The following NRXN1 variants were observed in gnomAD, a reference collection of about 807,000 sequenced individuals.
The protein encoded by NRXN1 is neurexin 1.
NRXN1 carries 39 observed loss-of-function variants against 150.9 expected under a neutral mutation model. That is an observed-to-expected ratio of 0.26 (90% CI 0.20 to 0.34). The LOEUF (loss-of-function observed/expected upper bound fraction) is 0.34. Ranked by LOEUF, NRXN1 falls within the 10% of genes least tolerant of loss-of-function variation. NRXN1 has a pLI of 1.00. For synonymous variants in NRXN1, 924 were observed against 757.0 expected, an observed-to-expected ratio of 1.22 and a Z score of -3.62; for missense variants, 1,815 against 1,949.9, an observed-to-expected ratio of 0.93 and a Z score of 1.30.
intron 5 of NRXN1, among the ~76,000 whole-genome samples, chr2:50,707,771 T>G (rs564457630): frequency 9.6e-4 from 146 of 152,240 alleles, no homozygotes; most frequent in African/African-American, 2.6e-3. Context: ...TCCTATCTAG[T>G]TGAAAAATGT....
At chr2:50,611,834 G>T (rs944675919) in intron 8 of NRXN1, among the ~76,000 whole-genome samples, 5 of 152,090 alleles carry the variant, frequency 3.3e-5, no homozygotes, top group Admixed American at 3.3e-4. Context: ...ATTCAACCCG[G>T]GGAGTGGGAA....
intron 2 of NRXN1, among the ~76,000 whole-genome samples, chr2:51,014,926 C>T (rs1323690571): frequency 6.6e-6 from 1 of 152,006 alleles, no homozygotes; most frequent in African/African-American, 2.4e-5. Flanking sequence ...TCCAATGATA[C>T]ACTGCCAGAA....
chr2:50,212,123 AC>A (rs11285629), intron 18 of NRXN1, among the ~76,000 whole-genome samples: 2,965 of 151,814 alleles, frequency 0.02, 79 homozygotes, highest in African/African-American at 0.068. Context: ...CATGGGATTC[AC>A]TGAATATGAA....
intron 18 of NRXN1, among the ~76,000 whole-genome samples, chr2:50,224,677 G>A (rs1355565311): frequency 4.9e-5 from 7 of 141,834 alleles, no homozygotes; most frequent in Admixed American, 1.5e-4. Context: ...AGATTAAAGA[G>A]AGAGAGAGAG....
chr2:50,562,337 A>G (rs1669216017), intron 8 of NRXN1, among the ~76,000 whole-genome samples: 1 of 150,394 alleles, frequency 6.6e-6, no homozygotes, highest in Non-Finnish European at 1.5e-5. Flanking sequence ...TACGATAGAT[A>G]GATAGATAGA....
intron 18 of NRXN1, among the ~76,000 whole-genome samples, chr2:50,183,761 C>T (rs928037911): frequency 6.6e-6 from 1 of 150,946 alleles, no homozygotes; most frequent in African/African-American, 2.4e-5. Flanking sequence ...TTATTTGGCT[C>T]AACATGTAAA....
chr2:50,539,648 T>G (rs970050070), intron 9 of NRXN1, among the ~76,000 whole-genome samples: 2 of 152,186 alleles, frequency 1.3e-5, no homozygotes, highest in African/African-American at 4.8e-5. Flanking sequence ...CCATGATACC[T>G]GAACAGAACA....
rs1574801143 is a variant in NRXN1, at chr2:50,260,609, T to C, written c.3365-23639A>G. On this transcript the variant is annotated intron_variant, in intron 17 of 22. Transcript: ENST00000401669. ...AAGCAAACACCGATGACAAAAGAAGTTCAAGCTTTTTTTTTTTCCGTTTTT... is the reference window on the plus strand; with the variant it reads ...AAGCAAACACCGATGACAAAAGAAGCTCAAGCTTTTTTTTTTTCCGTTTTT... 4.8e-5 allele frequency among the ~76,000 whole-genome samples: 7 copies of C among 146,944 alleles called. 1 individual carries two copies. In the Admixed American group the frequency reaches 4.9e-4, roughly 10 times the overall value.
chr2:50,342,574 A>G (rs1169499127), intron 17 of NRXN1, among the ~76,000 whole-genome samples: 1 of 152,230 alleles, frequency 6.6e-6, no homozygotes, highest in Non-Finnish European at 1.5e-5. Context: ...TGCCTCCTGG[A>G]AAAACAGAGA....
At position 51,027,562 on chromosome 2, in the gene NRXN1, C is replaced by T; in HGVS notation, c.712G>A (p.Asp238Asn). ...CLNGGVCSVV[D>N]DQAVCDCSRT... is the part of the protein sequence containing the mutation. ...GAGCAGTCGCACACGGCCTGGTCGT[C>T]CACCACGGAGCACACACCTCCGTTG... is the stretch of plus-strand genomic sequence containing the variant. The change falls in exon 2 of 23, where the codon GAC becomes AAC. Residue 238 changes from aspartate (D) to asparagine (N), a missense_variant. Physicochemically the swap from Asp to Asn is conservative, Grantham distance 23 (BLOSUM62 1). Coordinates refer to ENST00000401669, the MANE Select transcript of NRXN1 (RefSeq NM_001330078.2). 6.3e-7 allele frequency: 1 copy of T among 1,597,622 alleles called. No individual in the cohort carries two copies. The highest frequency in any genetic ancestry group is 8.6e-7 in the Non-Finnish European group (1 of 1,168,748).
At chr2:50,001,931 C>G (rs1361712474) in intron 21 of NRXN1, among the ~76,000 whole-genome samples, 1 of 152,044 alleles carries the variant, frequency 6.6e-6, no homozygotes. Flanking sequence ...GACTCTCCTG[C>G]TGGCCTTCAA....
chr2:50,240,924 A>T (rs1284059612), intron 17 of NRXN1, among the ~76,000 whole-genome samples: 1 of 151,722 alleles, frequency 6.6e-6, no homozygotes, highest in Non-Finnish European at 1.5e-5. Context: ...ACACTGTAAC[A>T]TTGTTTTATT....
chr2:50,829,258 G>A (rs1022567745), intron 5 of NRXN1, among the ~76,000 whole-genome samples: 2 of 149,408 alleles, frequency 1.3e-5, no homozygotes, highest in Non-Finnish European at 3.0e-5. Context: ...GAGGGAGACC[G>A]TGGGGAGAGG....
At chr2:49,940,831 C>T (rs774511974) in intron 22 of NRXN1, among the ~76,000 whole-genome samples, 41 of 151,754 alleles carry the variant, frequency 2.7e-4, no homozygotes, top group East Asian at 5.8e-4. Flanking sequence ...TTATCAAGAC[C>T]GGGGGAGATA....
At chr2:50,001,569 G>A (rs548769228) in intron 21 of NRXN1, among the ~76,000 whole-genome samples, 12 of 152,148 alleles carry the variant, frequency 7.9e-5, no homozygotes, top group Non-Finnish European at 1.2e-4. Flanking sequence ...GCCCAGCTGC[G>A]TGCTTTGGAT....
intron 8 of NRXN1, among the ~76,000 whole-genome samples, chr2:50,603,541 G>C (rs1676613605): frequency 6.6e-6 from 1 of 152,118 alleles, no homozygotes; most frequent in Non-Finnish European, 1.5e-5. Context: ...TTGTTAGTTT[G>C]CTTTTGATCA....
At chr2:50,168,997 T>C (rs1452769) in intron 18 of NRXN1, among the ~76,000 whole-genome samples, 38,108 of 152,146 alleles carry the variant, frequency 0.25, 5,963 homozygotes, top group East Asian at 0.41. Flanking sequence ...AAACAGAATA[T>C]GAGTTTTCAC....
chr2:50,061,963 CA>C (rs1278110597), intron 19 of NRXN1, among the ~76,000 whole-genome samples: 1 of 152,134 alleles, frequency 6.6e-6, no homozygotes, highest in African/African-American at 2.4e-5. Flanking sequence ...CCCTTCCCCC[CA>C]ATCCCTGTAG....
intron 5 of NRXN1, among the ~76,000 whole-genome samples, chr2:50,817,782 G>C (rs1669142317): frequency 6.6e-6 from 1 of 151,894 alleles, no homozygotes; most frequent in Non-Finnish European, 1.5e-5. Context: ...GGGTAAAAAA[G>C]TATTTTACTA....
Sources: allele counts gnomAD v4.1 joint callset (sites outside exome capture counted in the v4.1 genomes callset), GRCh38; gene constraint gnomAD v4.1.1; transcripts MANE v1.5; gene names NCBI Gene and HGNC (gene_info 2026-07-23, HGNC 2026-07-21).